The following SLC38A12 variants were observed in gnomAD, a reference collection of about 807,000 sequenced individuals.
SLC38A12 encodes putative sodium-coupled neutral amino acid transporter 12.
the SLC38A12 span, chr17:74,819,674 A>T: frequency 6.9e-7 from 1 of 1,439,964 alleles, no homozygotes; most frequent in South Asian, 1.1e-5. Context: ...AGGCCACGTG[A>T]GCAGCAGCGT....
chr17:74,795,756 T>G, the SLC38A12 span: 1 of 749,028 alleles, frequency 1.3e-6, no homozygotes, highest in Non-Finnish European at 2.2e-6. Context: ...TTCTCCACAC[T>G]CTGGCTAAGC....
chr17:74,798,653 G>A, the SLC38A12 span, among the ~76,000 whole-genome samples: 3 of 152,220 alleles, frequency 2.0e-5, no homozygotes, highest in East Asian at 5.8e-4. Context: ...ACTGCAGCTG[G>A]AGCCAGCGGT....
chr17:74,837,650 T>C, the SLC38A12 span: 6 of 985,568 alleles, frequency 6.1e-6, no homozygotes, highest in Non-Finnish European at 7.2e-6. Flanking sequence ...GCGTGGGTGC[T>C]CAGTGTTCAC....
the SLC38A12 span, among the ~76,000 whole-genome samples, chr17:74,791,929 G>A: frequency 1.5e-5 from 2 of 132,382 alleles, no homozygotes; most frequent in South Asian, 2.5e-4. Flanking sequence ...GGCGGCTCAC[G>A]AGGTGAGGAG....
chr17:74,802,983 A>T, the SLC38A12 span, among the ~76,000 whole-genome samples: 1 of 152,142 alleles, frequency 6.6e-6, no homozygotes. Context: ...TGGAGATGGG[A>T]AATGATCTGT....
chr17:74,797,369 T>C, the SLC38A12 span, among the ~76,000 whole-genome samples: 1 of 152,184 alleles, frequency 6.6e-6, no homozygotes, highest in African/African-American at 2.4e-5. Context: ...CTCATAGAGC[T>C]AATTGTCATC....
At chr17:74,819,966 C>T in the SLC38A12 span, 1 of 844,640 alleles carries the variant, frequency 1.2e-6, no homozygotes. Context: ...TCCATTGACT[C>T]AGGCCTGTCT....
the SLC38A12 span, chr17:74,836,481 G>A: frequency 9.9e-6 from 16 of 1,610,142 alleles, no homozygotes; most frequent in East Asian, 2.2e-5. The surrounding 1 kb of genome is among the most constrained non-coding windows in gnomAD (Gnocchi z 4.2). Flanking sequence ...AGGGGCCTAC[G>A]CGGGCACCGG....
the SLC38A12 span, among the ~76,000 whole-genome samples, chr17:74,809,657 G>T: frequency 6.6e-6 from 1 of 152,146 alleles, no homozygotes; most frequent in Non-Finnish European, 1.5e-5. Context: ...ATCCTGGGAG[G>T]TGGTGTTCTG....
chr17:74,806,494 C>T, the SLC38A12 span, among the ~76,000 whole-genome samples: 4 of 152,176 alleles, frequency 2.6e-5, no homozygotes, highest in Non-Finnish European at 5.9e-5. Context: ...CAGTAAGCCA[C>T]GCCTGTAGTG....
At chr17:74,801,535 C>T in the SLC38A12 span, among the ~76,000 whole-genome samples, 1 of 151,968 alleles carries the variant, frequency 6.6e-6, no homozygotes, top group Non-Finnish European at 1.5e-5. Flanking sequence ...TGTGCCAGGT[C>T]CTGTTTGTCC....
chr17:74,802,116 G>C, the SLC38A12 span, among the ~76,000 whole-genome samples: 1 of 152,120 alleles, frequency 6.6e-6, no homozygotes, highest in Non-Finnish European at 1.5e-5. Context: ...GTCACCCTGT[G>C]ACTGCCTCCT....
chr17:74,814,837 T>A, the SLC38A12 span, among the ~76,000 whole-genome samples: 2 of 152,152 alleles, frequency 1.3e-5, no homozygotes, highest in South Asian at 4.2e-4. Flanking sequence ...CTCAAGGGGG[T>A]TACACTCTGC....
chr17:74,812,965 G>A, the SLC38A12 span, among the ~76,000 whole-genome samples: 1 of 152,162 alleles, frequency 6.6e-6, no homozygotes, highest in Admixed American at 6.5e-5. Flanking sequence ...TCTCACTACA[G>A]CGTGGAAGCC....
At chr17:74,782,053 C>T in the SLC38A12 span, among the ~76,000 whole-genome samples, 1 of 152,156 alleles carries the variant, frequency 6.6e-6, no homozygotes, top group Non-Finnish European at 1.5e-5. Flanking sequence ...CTCACAGTGC[C>T]CTGATTGTTT....
the SLC38A12 span, among the ~76,000 whole-genome samples, chr17:74,792,995 C>T: frequency 1.2e-4 from 19 of 152,302 alleles, no homozygotes; most frequent in Admixed American, 1.1e-3. Context: ...TGCTTTTAAA[C>T]CTCCTTTCTC....
chr17:74,777,463 G>A, the SLC38A12 span: 7 of 1,596,422 alleles, frequency 4.4e-6, no homozygotes, highest in African/African-American at 5.4e-5. Flanking sequence ...GGACTAGTGA[G>A]TGCTGCTGCT....
chr17:74,807,500 A>C, the SLC38A12 span, among the ~76,000 whole-genome samples: 1 of 152,206 alleles, frequency 6.6e-6, no homozygotes, highest in Non-Finnish European at 1.5e-5. Context: ...AGAGCCCACC[A>C]CAGCTAGTGG....
At chr17:74,807,726 C>A in the SLC38A12 span, among the ~76,000 whole-genome samples, 1 of 152,274 alleles carries the variant, frequency 6.6e-6, no homozygotes, top group Non-Finnish European at 1.5e-5. Flanking sequence ...TCCAGCACCA[C>A]CAATTTGCAT....
Sources: allele counts gnomAD v4.1 joint callset (sites outside exome capture counted in the v4.1 genomes callset), GRCh38; gene constraint gnomAD v4.1.1; non-coding constraint Gnocchi (gnomAD v3.1); transcripts MANE v1.5; gene names NCBI Gene and HGNC (gene_info 2026-07-23, HGNC 2026-07-21).